LHFPL3: variants seen among roughly 807,000 people sequenced by gnomAD.
LHFPL3 encodes the protein LHFPL tetraspan subfamily member 3 protein.
A neutral mutation model predicts 19.3 loss-of-function variants in LHFPL3; 5 were observed. The ratio of observed to expected loss-of-function variants is 0.26; its 90% CI spans 0.14 to 0.54. The LOEUF is 0.54. Among genes scored for constraint, LHFPL3 ranks in the 20% least tolerant of loss-of-function variants. LHFPL3 has a pLI of 0.94. For missense variants in LHFPL3, 249 were observed against 307.4 expected, an observed-to-expected ratio of 0.81 and a Z score of 1.42; for synonymous variants, 133 against 126.2, an observed-to-expected ratio of 1.05 and a Z score of -0.36.
chr7:104,881,473 T>C (rs1324921205), intron 2 of LHFPL3, among the ~76,000 whole-genome samples: 1 of 152,124 alleles, frequency 6.6e-6, no homozygotes, highest in East Asian at 1.9e-4. Context: ...GTGGTGGAAA[T>C]AGCAAGAGAA....
At chr7:104,514,464 A>G (rs961810366) in intron 1 of LHFPL3, among the ~76,000 whole-genome samples, 11 of 152,162 alleles carry the variant, frequency 7.2e-5, no homozygotes, top group Admixed American at 6.6e-5. Context: ...TCACCAGCCC[A>G]TTGCCTGACA....
At chr7:104,526,578 A>G (rs148394439) in intron 1 of LHFPL3, among the ~76,000 whole-genome samples, 3 of 152,340 alleles carry the variant, frequency 2.0e-5, no homozygotes, top group Non-Finnish European at 4.4e-5. Context: ...TTGCTGTGAC[A>G]TACCTCTTAG....
intron 1 of LHFPL3, among the ~76,000 whole-genome samples, chr7:104,628,883 G>A (rs1584449264): frequency 6.6e-6 from 1 of 152,110 alleles, no homozygotes; most frequent in South Asian, 2.1e-4. Context: ...AAATGGTAAT[G>A]TGTTCTGATA....
intron 2 of LHFPL3, among the ~76,000 whole-genome samples, chr7:104,753,939 G>A (rs1281420218): frequency 6.6e-6 from 1 of 152,162 alleles, no homozygotes; most frequent in African/African-American, 2.4e-5. Flanking sequence ...ACCATTATGA[G>A]GAGCAATTTA....
chr7:104,421,846 G>C (rs960305821), intron 1 of LHFPL3, among the ~76,000 whole-genome samples: 1 of 152,196 alleles, frequency 6.6e-6, no homozygotes, highest in African/African-American at 2.4e-5. Flanking sequence ...GATGGTGTTA[G>C]GAGGTGGGGC....
At position 104,833,066 on chromosome 7, in the gene LHFPL3, ATATATAT is replaced by A. The variant is rs1791008521; in HGVS notation, c.683-73113_683-73107del. ...ATATTATATATATATTATATATAAT[ATATATAT>A]TATATATATCTAATATATATAATAG... On this transcript the variant is annotated intron_variant, in intron 2 of 2. Transcript: ENST00000424859. 3.8e-5 allele frequency among the ~76,000 whole-genome samples: 4 copies of A among 105,752 alleles called. 1 individual carries two copies. Among genetic ancestry groups the A allele is most frequent in the Non-Finnish European group, 6.9e-5 (4 of 57,914 alleles). 69.4% of individuals were successfully genotyped at this position (105,752 alleles called of 152,430 possible).
intron 1 of LHFPL3, among the ~76,000 whole-genome samples, chr7:104,346,450 A>G (rs1398145637): frequency 6.6e-6 from 1 of 151,854 alleles, no homozygotes; most frequent in East Asian, 1.9e-4. Flanking sequence ...TCCAAACATC[A>G]AAGTACCAAG....
chr7:104,341,772 C>A (rs1035138730), intron 1 of LHFPL3, among the ~76,000 whole-genome samples: 5 of 152,288 alleles, frequency 3.3e-5, no homozygotes, highest in Admixed American at 1.3e-4. Flanking sequence ...GCCCTGTCAT[C>A]TTGTACTTCT....
At chr7:104,531,236 A>T (rs1794288319) in intron 1 of LHFPL3, among the ~76,000 whole-genome samples, 1 of 152,174 alleles carries the variant, frequency 6.6e-6, no homozygotes, top group Non-Finnish European at 1.5e-5. Context: ...TTCTTCCCAG[A>T]GGTGTCCAGA....
chr7:104,864,148 C>A (rs533552752), intron 2 of LHFPL3, among the ~76,000 whole-genome samples: 1 of 152,154 alleles, frequency 6.6e-6, no homozygotes, highest in African/African-American at 2.4e-5. Context: ...CCAAGATGGC[C>A]GAATAGGAAT....
intron 1 of LHFPL3, among the ~76,000 whole-genome samples, chr7:104,724,689 T>C (rs1474497791): frequency 6.6e-6 from 1 of 152,202 alleles, no homozygotes; most frequent in Non-Finnish European, 1.5e-5. Flanking sequence ...TGAAATAATC[T>C]GTACAACAAA....
At chr7:104,808,592 CAG>C (rs1202724330) in intron 2 of LHFPL3, among the ~76,000 whole-genome samples, 3 of 152,136 alleles carry the variant, frequency 2.0e-5, no homozygotes, top group Non-Finnish European at 2.9e-5. Context: ...GTGAAAAAGA[CAG>C]AAACTCAAGG....
intron 2 of LHFPL3, among the ~76,000 whole-genome samples, chr7:104,782,685 G>C (rs1451462429): frequency 1.3e-5 from 2 of 152,176 alleles, no homozygotes; most frequent in Non-Finnish European, 1.5e-5. Flanking sequence ...CACTTTAACA[G>C]CTTCCCATTG....
At chr7:104,618,668 T>TAA (rs201786906) in intron 1 of LHFPL3, among the ~76,000 whole-genome samples, 4 of 147,174 alleles carry the variant, frequency 2.7e-5, no homozygotes, top group South Asian at 2.1e-4. Context: ...GTTGATTCTT[T>TAA]AAAAAAAAAA....
At chr7:104,547,764 G>A (rs538965523) in intron 1 of LHFPL3, among the ~76,000 whole-genome samples, 23 of 152,198 alleles carry the variant, frequency 1.5e-4, no homozygotes, top group African/African-American at 5.3e-4. Context: ...ATGAAATAGA[G>A]ATGTATGCTC....
rs568297910 is a variant in LHFPL3, at chr7:104,482,221, C to CCTTCCT, written c.445+153000_445+153005dup. Among the ~76,000 whole-genome samples the CCTTCCT allele has an allele frequency of 4.3e-4, 65 of 152,304 alleles. 3 individuals carry two copies. The South Asian group carries it at 0.013, about 30-fold the overall frequency. On this transcript the variant is annotated intron_variant, in intron 1 of 2. Coordinates refer to ENST00000424859, the MANE Select transcript of LHFPL3 (RefSeq NM_199000.3). ...CCATTAGCCACATCCTTGCTTAGCTCCTTCCTCTGCTGTTACCCACTTCCC... is the reference window on the plus strand; with the variant it reads ...CCATTAGCCACATCCTTGCTTAGCTCCTTCCTCTTCCTCTGCTGTTACCCACTTCCC...
chr7:104,410,859 A>G (rs1791522745), intron 1 of LHFPL3, among the ~76,000 whole-genome samples: 1 of 152,206 alleles, frequency 6.6e-6, no homozygotes, highest in African/African-American at 2.4e-5. Context: ...TGAATTGGCC[A>G]AGTGAAATGT....
intron 1 of LHFPL3, among the ~76,000 whole-genome samples, chr7:104,659,768 G>A (rs775945894): frequency 2.6e-5 from 4 of 152,128 alleles, no homozygotes; most frequent in Non-Finnish European, 5.9e-5. Context: ...GTGAAATCAG[G>A]AAGCAAGCTT....
At chr7:104,614,831 AC>A (rs1016573695) in intron 1 of LHFPL3, among the ~76,000 whole-genome samples, 1 of 150,948 alleles carries the variant, frequency 6.6e-6, no homozygotes, top group Non-Finnish European at 1.5e-5. Context: ...GCTCACTGCA[AC>A]CCCAACCTCC....
Sources: gnomAD v4.1 joint callset for allele counts (sites outside exome capture counted in the v4.1 genomes callset) on GRCh38, gnomAD v4.1.1 for gene constraint, MANE v1.5 for transcripts, NCBI Gene and HGNC (gene_info 2026-07-23, HGNC 2026-07-21) for gene names.